SPAST: variants seen among roughly 807,000 people sequenced by gnomAD.
SPAST encodes the protein spastic paraplegia 4 (autosomal dominant; spastin).
In SPAST, 30 loss-of-function variants were observed where a neutral mutation model predicts 76.6. That is an observed-to-expected ratio of 0.39 (90% CI 0.29 to 0.53). The LOEUF (loss-of-function observed/expected upper bound fraction) is 0.53, where lower values mean the gene tolerates loss of function less well. Ranked by LOEUF, SPAST falls within the 20% of genes least tolerant of loss-of-function variation. The pLI is 0.68. For synonymous variants in SPAST, 305 were observed against 281.0 expected (o/e 1.09, Z -0.86); for missense variants, 717 against 770.5 (o/e 0.93, Z 0.82).
At chr2:32,118,850 G>C (rs1678927442) in intron 7 of SPAST, among the ~76,000 whole-genome samples, 1 of 152,104 alleles carries the variant, frequency 6.6e-6, no homozygotes, top group Non-Finnish European at 1.5e-5. Context: ...AAATATTTAG[G>C]CTATGCAAGA....
intron 7 of SPAST, among the ~76,000 whole-genome samples, chr2:32,125,747 C>T (rs1289602766): frequency 1.3e-5 from 2 of 152,106 alleles, no homozygotes; most frequent in East Asian, 1.9e-4. Context: ...GCTTGACTGC[C>T]TTTGGTGGGG....
chr2:32,094,799 G>A (rs1372532861), intron 3 of SPAST, among the ~76,000 whole-genome samples: 3 of 152,156 alleles, frequency 2.0e-5, no homozygotes, highest in African/African-American at 7.2e-5. Context: ...GCGAAACCTT[G>A]TCTTTACTAA....
chr2:32,117,453 T>A (rs1191139801), intron 7 of SPAST, among the ~76,000 whole-genome samples: 1 of 150,964 alleles, frequency 6.6e-6, no homozygotes, highest in Admixed American at 6.6e-5. Flanking sequence ...AAGTACTTTA[T>A]GGGAAAGTTT....
In SPAST at chr2:32,063,790, G is replaced by GAA; in HGVS notation, c.-42_-41insAA. The GAA allele has an allele frequency of 6.5e-7, 1 of 1,547,654 alleles. No individual in the cohort carries two copies. Among genetic ancestry groups the GAA allele is most frequent in the Non-Finnish European group, 8.7e-7 (1 of 1,155,590 alleles). On this transcript the variant is annotated 5_prime_UTR_variant, in exon 1 of 17. Transcript: ENST00000315285. Reference sequence around the variant, plus strand: ...GCCGTCGCTTGGTTCCCGTCGGTCTGCGGGAGGCGGGTTATGGCGGCGGCG... The same window carrying GAA: ...GCCGTCGCTTGGTTCCCGTCGGTCTGAACGGGAGGCGGGTTATGGCGGCGGCG...
At chr2:32,079,656 T>C (rs762845823) in intron 1 of SPAST, among the ~76,000 whole-genome samples, 10 of 141,258 alleles carry the variant, frequency 7.1e-5, no homozygotes, top group Non-Finnish European at 1.5e-4. Context: ...CTTCCTGGAC[T>C]CAAGCAGTCC....
At chr2:32,091,292 A>C (rs1573075759) in intron 3 of SPAST, among the ~76,000 whole-genome samples, 1 of 97,514 alleles carries the variant, frequency 1.0e-5, no homozygotes, top group East Asian at 3.2e-4. Flanking sequence ...TATTATTATT[A>C]TTATTCGAGA....
intron 12 of SPAST, among the ~76,000 whole-genome samples, chr2:32,138,616 G>T (rs190613003): frequency 6.6e-6 from 1 of 152,070 alleles, no homozygotes; most frequent in African/African-American, 2.4e-5. Flanking sequence ...TAGATTGTCT[G>T]TTTACTCTGT....
At chr2:32,115,116 T>C (rs1678780031) in intron 5 of SPAST, among the ~76,000 whole-genome samples, 1 of 151,962 alleles carries the variant, frequency 6.6e-6, no homozygotes, top group South Asian at 2.1e-4. Context: ...GTCGAGCTAA[T>C]TTTGTATTTT....
rs1357819749 is a variant in SPAST, at chr2:32,063,661, G to T, written c.-171G>T. 1.1e-5 allele frequency: 9 copies of T among 818,472 alleles called. No homozygotes were observed. Among genetic ancestry groups the T allele is most frequent in the Non-Finnish European group, 1.7e-5 (9 of 541,026 alleles). The allele number at this position is 818,472 out of a possible 1,614,324, so 50.7% of individuals were successfully genotyped here. A position where few individuals can be genotyped will look rare whatever the true frequency, so the allele number is the denominator to read the frequency against. On this transcript the variant is annotated 5_prime_UTR_variant, in exon 1 of 17. Transcript: ENST00000315285. ...AGAAGGGGTTGTGCTCCTGGCCGAG[G>T]AAGGAGAAAGGGGCGGGGCCGGCGG...
intron 12 of SPAST, among the ~76,000 whole-genome samples, chr2:32,140,754 A>T (rs1478965248): frequency 1.4e-5 from 2 of 145,206 alleles, no homozygotes; most frequent in African/African-American, 2.4e-5. Flanking sequence ...CCATATCTAT[A>T]AAAAAAACTT....
intron 4 of SPAST, among the ~76,000 whole-genome samples, chr2:32,114,381 C>T (rs1011022943): frequency 6.6e-6 from 1 of 152,068 alleles, no homozygotes; most frequent in Non-Finnish European, 1.5e-5. Context: ...TGCCACTGCA[C>T]TCCAGCCCAG....
In SPAST at chr2:32,066,770, T is replaced by G. The variant is rs570261693; in HGVS notation, c.415+2524T>G. On this transcript the variant is annotated intron_variant, in intron 1 of 16. Transcript: ENST00000315285. ...GGGTGGATTGCTTGAGCCCAGGAGT[T>G]TGAGACCAGCCTGGGCAACATAGTG... 2.6e-5 allele frequency among the ~76,000 whole-genome samples: 4 copies of G among 152,010 alleles called. No individual in the cohort carries two copies. The East Asian group carries it at 7.7e-4, about 29-fold the overall frequency.
intron 4 of SPAST, among the ~76,000 whole-genome samples, chr2:32,109,877 CATAT>C (rs1036126134): frequency 2.7e-5 from 4 of 148,158 alleles, no homozygotes; most frequent in Non-Finnish European, 4.5e-5. Flanking sequence ...TATGCATATA[CATAT>C]ATAGTTACAT....
At position 32,144,954 on chromosome 2, in the gene SPAST, C is replaced by T; in HGVS notation, c.1634C>T (p.Ser545Leu). 1 of 1,612,492 alleles carries T rather than the reference C, an allele frequency of 6.2e-7. No homozygotes were observed. ...TTCCTCAGAATGACTGATGGATACT[C>T]AGGAAGTGACCTAACAGCTTTGGCA... ...AQLARMTDGY[S>L]GSDLTALAKD... The change falls in exon 15 of 17, where the codon TCA becomes TTA. Residue 545 changes from serine to leucine, a missense_variant. Transcript: ENST00000315285.
At chr2:32,101,072 C>A (rs904216385) in intron 4 of SPAST, among the ~76,000 whole-genome samples, 7 of 152,200 alleles carry the variant, frequency 4.6e-5, no homozygotes, top group Non-Finnish European at 1.0e-4. Context: ...TTTACGTTCC[C>A]ATCAACAGTG....
At chr2:32,081,771 G>A (rs189781313) in intron 1 of SPAST, among the ~76,000 whole-genome samples, 3 of 54,852 alleles carry the variant, frequency 5.5e-5, no homozygotes, top group African/African-American at 1.2e-4. Flanking sequence ...GCGACAGAGT[G>A]AGACACTGTC....
At chr2:32,098,975 T>A in intron 4 of SPAST, 84 bp downstream of exon 4, 1 of 905,050 alleles carries the variant, frequency 1.1e-6, no homozygotes, top group Non-Finnish European at 1.8e-6. Flanking sequence ...TTGATTTGAT[T>A]TTATAATGGT....
chr2:32,075,234 A>G lies in SPAST; in HGVS notation c.415+10988A>G, dbSNP rs182131722. 5.5e-3 allele frequency among the ~76,000 whole-genome samples: 837 copies of G among 151,716 alleles called. 1 individual carries two copies. The highest frequency in any genetic ancestry group is 8.3e-3 in the Non-Finnish European group (565 of 67,948). ...TCAGGAGATTGAGACCATCCTGGCT[A>G]ACACGGTGAAACCCCATCTCTACTA... On this transcript the variant is annotated intron_variant, in intron 1 of 16. Coordinates refer to ENST00000315285, the MANE Select transcript of SPAST (RefSeq NM_014946.4).
At chr2:32,076,363 C>A (rs1303105628) in intron 1 of SPAST, among the ~76,000 whole-genome samples, 1 of 152,044 alleles carries the variant, frequency 6.6e-6, no homozygotes, top group Non-Finnish European at 1.5e-5. Context: ...AAAGCAAATA[C>A]AATCTTTTTA....
Sources: gnomAD v4.1 joint callset for allele counts (sites outside exome capture counted in the v4.1 genomes callset) on GRCh38, gnomAD v4.1.1 for gene constraint, MANE v1.5 for transcripts, NCBI Gene and HGNC (gene_info 2026-07-23, HGNC 2026-07-21) for gene names.